The following NAALADL2 variants were observed in gnomAD, a reference collection of about 807,000 sequenced individuals.
NAALADL2 encodes the protein inactive N-acetylated-alpha-linked acidic dipeptidase-like protein 2.
A neutral mutation model predicts 87.2 loss-of-function variants in NAALADL2; 76 were observed. The ratio of observed to expected loss-of-function variants is 0.87; its 90% CI spans 0.72 to 1.05. The LOEUF (loss-of-function observed/expected upper bound fraction) is 1.05, where lower values mean the gene tolerates loss of function less well. Ranked by LOEUF, NAALADL2 falls within the 50% of genes least tolerant of loss-of-function variation. The pLI is 0.00. For missense variants in NAALADL2, 1,089 were observed against 945.8 expected, an observed-to-expected ratio of 1.15 and a Z score of -1.99; for synonymous variants, 354 against 331.0, an observed-to-expected ratio of 1.07 and a Z score of -0.75.
At chr3:175,410,295 C>G (rs1560506546) in intron 5 of NAALADL2, among the ~76,000 whole-genome samples, 1 of 152,060 alleles carries the variant, frequency 6.6e-6, no homozygotes, top group Non-Finnish European at 1.5e-5. Flanking sequence ...TGTACATACA[C>G]TATTTTAATA....
intron 1 of NAALADL2, among the ~76,000 whole-genome samples, chr3:174,480,389 A>G (rs1717476322): frequency 6.6e-6 from 1 of 152,066 alleles, no homozygotes. Flanking sequence ...TTTAAGTGGC[A>G]GTTCTTTTTC....
Position 174,800,696 on chromosome 3 carries a change from C to T in NAALADL2, c.-9+62950C>T, listed in dbSNP as rs1718723319. ...AGATCCACCAACATCTTGCACTGTG[C>T]ACCTGGAAAAGCTGCATATGCTAAA... is the stretch of plus-strand genomic sequence containing the variant. On this transcript the variant is annotated intron_variant, in intron 3 of 3. Transcript: ENST00000434257. 2.6e-5 allele frequency among the ~76,000 whole-genome samples: 4 copies of T among 152,164 alleles called. No homozygotes were observed. The South Asian group carries it at 8.3e-4, about 32-fold the overall frequency.
At chr3:174,589,577 C>A (rs1717133590) in intron 2 of NAALADL2, among the ~76,000 whole-genome samples, 2 of 152,180 alleles carry the variant, frequency 1.3e-5, no homozygotes, top group African/African-American at 4.8e-5. Context: ...GTCACACCAA[C>A]AGTGAATGAG....
intron 1 of NAALADL2, among the ~76,000 whole-genome samples, chr3:174,490,078 T>C (rs1462738586): frequency 3.3e-5 from 5 of 152,070 alleles, no homozygotes; most frequent in African/African-American, 4.8e-5. Context: ...TGAAAACATA[T>C]GTCCTCACAA....
rs201503259 is a variant in NAALADL2 at position 175,090,982 on chromosome 3, A to T, written c.44-5808A>T. Among the ~76,000 whole-genome samples, 155 of 151,584 alleles carry T rather than the reference A, an allele frequency of 1.0e-3. 1 individual carries two copies. The highest frequency in any genetic ancestry group is 4.0e-3 in the Admixed American group (61 of 15,234). On this transcript the variant is annotated intron_variant, in intron 1 of 13. Transcript: ENST00000454872. Reference sequence around the variant, plus strand: ...ACTAAAACCACAAATGGAAAAAAAAAATATCATTATACTGAAGAATTAAGT... The same window carrying T: ...ACTAAAACCACAAATGGAAAAAAAATATATCATTATACTGAAGAATTAAGT...
chr3:175,578,095 G>T (rs985442776), intron 10 of NAALADL2, among the ~76,000 whole-genome samples: 1 of 149,494 alleles, frequency 6.7e-6, no homozygotes, highest in Non-Finnish European at 1.5e-5. Context: ...TTGGTTTCTG[G>T]GCTTCTGCTT....
chr3:175,088,739 T>G (rs906511252), intron 1 of NAALADL2, among the ~76,000 whole-genome samples: 1 of 152,168 alleles, frequency 6.6e-6, no homozygotes, highest in Admixed American at 6.6e-5. Context: ...AAAAGCAAAA[T>G]TCACCCTGGC....
At chr3:175,295,718 A>AAC (rs58935758) in intron 4 of NAALADL2, among the ~76,000 whole-genome samples, 1,459 of 143,706 alleles carry the variant, frequency 0.01, 15 homozygotes, top group African/African-American at 0.022. Flanking sequence ...CATGCACACA[A>AAC]ACACACACAC....
intron 11 of NAALADL2, among the ~76,000 whole-genome samples, chr3:175,650,180 T>A (rs1730570528): frequency 6.6e-6 from 1 of 151,970 alleles, no homozygotes; most frequent in Non-Finnish European, 1.5e-5. Context: ...GTGGGTGAAC[T>A]TCAAAAACAT....
chr3:175,096,805 A>G lies in NAALADL2; in HGVS notation c.59A>G (p.Tyr20Cys). ...ATTTTCACAGGTAAAAAGATGGCCT[A>G]TCAGAAGGTCCATGCAGATCAAAGA... ...NTSLQGKKMA[Y>C]QKVHADQRAP... The change falls in exon 2 of 14, where the codon TAT becomes TGT. Residue 20 changes from tyrosine (Y) to cysteine (C), a missense_variant. Tyr to Cys is a radical substitution (Grantham distance 194). Transcript: ENST00000454872. 6.5e-7 allele frequency: 1 copy of G among 1,526,912 alleles called. No homozygotes were observed. The allele number at this position is 1,526,912 out of a possible 1,614,324, so 94.6% of individuals were successfully genotyped here.
intron 2 of NAALADL2, among the ~76,000 whole-genome samples, chr3:175,214,840 G>C (rs1349743161): frequency 6.6e-6 from 1 of 152,088 alleles, no homozygotes; most frequent in African/African-American, 2.4e-5. Context: ...CTGCAATCCA[G>C]CAGTACAGAC....
At chr3:175,026,055 C>A (rs1000197386) in intron 1 of NAALADL2, among the ~76,000 whole-genome samples, 1 of 152,102 alleles carries the variant, frequency 6.6e-6, no homozygotes, top group African/African-American at 2.4e-5. Flanking sequence ...AAACCATACA[C>A]TTGCCTTGGC....
chr3:174,519,674 T>C (rs1210563251), intron 1 of NAALADL2, among the ~76,000 whole-genome samples: 1 of 151,986 alleles, frequency 6.6e-6, no homozygotes, highest in African/African-American at 2.4e-5. Flanking sequence ...ATTACCCTTC[T>C]CTTACCCTTC....
Position 175,806,041 on chromosome 3 carries a change from CTT to C in NAALADL2, c.*2840_*2841del, listed in dbSNP as rs1754674304. On this transcript the variant is annotated 3_prime_UTR_variant, in exon 14 of 14. Transcript: ENST00000454872. Reference sequence around the variant, plus strand: ...CACCACTGGAATTTAAGCTTCTCTGCTTTCTCATGCAGTATATCTTGCTTCTC... The same window carrying C: ...CACCACTGGAATTTAAGCTTCTCTGCTCTCATGCAGTATATCTTGCTTCTC... 6.6e-6 allele frequency: 1 copy of C among 151,912 alleles called. No homozygotes were observed. Among genetic ancestry groups the C allele is most frequent in the African/African-American group, 2.4e-5 (1 of 41,394 alleles). 9.4% of individuals were successfully genotyped at this position (151,912 alleles called of 1,614,324 possible).
chr3:174,593,770 C>T (rs1717618335), intron 2 of NAALADL2, among the ~76,000 whole-genome samples: 1 of 152,090 alleles, frequency 6.6e-6, no homozygotes, highest in African/African-American at 2.4e-5. Context: ...CCTCACCTGA[C>T]ACTTACTTTT....
intron 2 of NAALADL2, among the ~76,000 whole-genome samples, chr3:175,115,785 AGG>A (rs1725023191): frequency 2.6e-5 from 4 of 151,680 alleles, no homozygotes; most frequent in Non-Finnish European, 5.9e-5. Flanking sequence ...CAGGGGAAAA[AGG>A]AGAATTTTAG....
intron 5 of NAALADL2, among the ~76,000 whole-genome samples, chr3:175,412,434 A>T (rs992850530): frequency 3.9e-5 from 6 of 152,224 alleles, no homozygotes; most frequent in Admixed American, 6.5e-5. Context: ...GAGGGAAAAA[A>T]TTAGTATTCG....
chr3:175,068,429 AG>A (rs1714954328), intron 1 of NAALADL2, among the ~76,000 whole-genome samples: 1 of 152,158 alleles, frequency 6.6e-6, no homozygotes, highest in Admixed American at 6.6e-5. Context: ...TAATATTCAA[AG>A]ACTCAAGAGA....
intron 10 of NAALADL2, among the ~76,000 whole-genome samples, chr3:175,617,595 A>G (rs1488023999): frequency 2.0e-5 from 3 of 152,120 alleles, no homozygotes; most frequent in African/African-American, 4.8e-5. Context: ...TTTTTCTTGC[A>G]TCTATTTTCC....
Sources: gnomAD v4.1 joint callset for allele counts (sites outside exome capture counted in the v4.1 genomes callset) on GRCh38, gnomAD v4.1.1 for gene constraint, MANE v1.5 for transcripts, NCBI Gene and HGNC (gene_info 2026-07-23, HGNC 2026-07-21) for gene names.